KHDRBS2: variants seen among roughly 807,000 people sequenced by gnomAD.
KHDRBS2 encodes the protein KH RNA binding domain containing, signal transduction associated 2.
Under a neutral mutation model 44.3 loss-of-function variants are expected in KHDRBS2, and 26 were observed. The ratio of observed to expected loss-of-function variants is 0.59; its 90% CI spans 0.43 to 0.81. KHDRBS2 has a LOEUF of 0.81. Among genes scored for constraint, KHDRBS2 ranks in the 40% least tolerant of loss-of-function variants. KHDRBS2 has a pLI of 0.00. For synonymous variants in KHDRBS2, 194 were observed against 151.1 expected (o/e 1.28, Z -2.08); for missense variants, 476 against 433.1 (o/e 1.10, Z -0.88).
At chr6:62,049,054 A>C (rs2127309147) in intron 2 of KHDRBS2, among the ~76,000 whole-genome samples, 1 of 151,732 alleles carries the variant, frequency 6.6e-6, no homozygotes, top group East Asian at 2.0e-4. Flanking sequence ...TATAAAACTC[A>C]GTTTTTTTCC....
intron 6 of KHDRBS2, among the ~76,000 whole-genome samples, chr6:61,814,560 C>G (rs761321305): frequency 7.9e-5 from 12 of 152,004 alleles, no homozygotes; most frequent in Non-Finnish European, 1.6e-4. Flanking sequence ...CAGCCGAGAT[C>G]GCACCATGGC....
At chr6:62,198,073 GACAC>G (rs1481094312) in intron 1 of KHDRBS2, among the ~76,000 whole-genome samples, 1 of 152,138 alleles carries the variant, frequency 6.6e-6, no homozygotes, top group African/African-American at 2.4e-5. Context: ...GAATCTCGGG[GACAC>G]ATTTAAAGCA....
chr6:61,892,253 G>T (rs1367536791), intron 6 of KHDRBS2, among the ~76,000 whole-genome samples: 4 of 152,010 alleles, frequency 2.6e-5, no homozygotes, highest in Non-Finnish European at 5.9e-5. Flanking sequence ...AATAAAAGAG[G>T]ATACAAACAA....
the KHDRBS2 span, among the ~76,000 whole-genome samples, chr6:61,557,126 C>T: frequency 6.6e-6 from 1 of 152,104 alleles, no homozygotes; most frequent in Non-Finnish European, 1.5e-5. Flanking sequence ...CCCCAGAGAT[C>T]TGCAGCTGCA....
intron 2 of KHDRBS2, among the ~76,000 whole-genome samples, chr6:62,090,008 C>T (rs188217877): frequency 6.6e-6 from 1 of 152,214 alleles, no homozygotes; most frequent in East Asian, 1.9e-4. Context: ...ATGATTCTCA[C>T]ATGACAGTGG....
intron 2 of KHDRBS2, among the ~76,000 whole-genome samples, chr6:62,141,206 T>C (rs1812732498): frequency 6.6e-6 from 1 of 152,210 alleles, no homozygotes; most frequent in Admixed American, 6.5e-5. Context: ...GTAGAATGCA[T>C]ATTGTAAAGC....
chr6:61,549,033 G>T, the KHDRBS2 span, among the ~76,000 whole-genome samples: 3 of 152,098 alleles, frequency 2.0e-5, no homozygotes, highest in South Asian at 6.2e-4. Flanking sequence ...GTAGCTTCTG[G>T]TCTAACACAT....
At chr6:62,237,634 G>A (rs1330734862) in intron 1 of KHDRBS2, among the ~76,000 whole-genome samples, 1 of 152,168 alleles carries the variant, frequency 6.6e-6, no homozygotes, top group Non-Finnish European at 1.5e-5. Flanking sequence ...TTTATAATAT[G>A]CACAGGGCAA....
chr6:61,681,497 C>T (rs142846607), intron 8 of KHDRBS2, among the ~76,000 whole-genome samples: 10 of 151,866 alleles, frequency 6.6e-5, no homozygotes, highest in South Asian at 2.1e-4. Context: ...CTGGGACCTA[C>T]GGTTTGGTAT....
chr6:61,894,531 C>T, intron 6 of KHDRBS2, 104 bp downstream of exon 6: 1 of 895,610 alleles, frequency 1.1e-6, no homozygotes, highest in Non-Finnish European at 1.7e-6. Context: ...GTTTCTGCAA[C>T]AAACATTACC....
At chr6:62,118,777 ACT>A (rs887926818) in intron 2 of KHDRBS2, among the ~76,000 whole-genome samples, 4 of 152,056 alleles carry the variant, frequency 2.6e-5, no homozygotes, top group African/African-American at 9.7e-5. Flanking sequence ...TAAAGGTCAG[ACT>A]CTAAGTTCTA....
chr6:61,698,215 C>T (rs1253462327), intron 7 of KHDRBS2, among the ~76,000 whole-genome samples: 1 of 152,080 alleles, frequency 6.6e-6, no homozygotes, highest in East Asian at 1.9e-4. Context: ...TCAGATATCT[C>T]CTCTTTCATG....
rs75571779 is a variant in KHDRBS2, at chr6:61,837,246, G to C, written c.810+57389C>G. Among the ~76,000 whole-genome samples the C allele has an allele frequency of 2.1e-3, 319 of 152,056 alleles. 6 individuals carry two copies. In the East Asian group the frequency reaches 0.052, roughly 25 times the overall value. On this transcript the variant is annotated intron_variant, in intron 6 of 8. Transcript: ENST00000281156. ...GCATTACTATTTGAGTGTCACATAAGTATTCAAAGTGTTCATTATTGTTTC... is the reference window on the plus strand; with the variant it reads ...GCATTACTATTTGAGTGTCACATAACTATTCAAAGTGTTCATTATTGTTTC...
At chr6:61,664,629 C>T in the KHDRBS2 span, among the ~76,000 whole-genome samples, 1 of 151,650 alleles carries the variant, frequency 6.6e-6, no homozygotes, top group Non-Finnish European at 1.5e-5. Flanking sequence ...AAATTAGATG[C>T]AAGTTTAAGA....
At chr6:61,547,905 G>A in the KHDRBS2 span, among the ~76,000 whole-genome samples, 29 of 152,066 alleles carry the variant, frequency 1.9e-4, no homozygotes, top group Admixed American at 5.9e-4. Flanking sequence ...GGCCTTTATA[G>A]ACAAGGGCTT....
chr6:61,627,472 T>C, the KHDRBS2 span, among the ~76,000 whole-genome samples: 1 of 152,158 alleles, frequency 6.6e-6, no homozygotes, highest in Admixed American at 6.5e-5. Flanking sequence ...GGGCTGGCCA[T>C]GCCAGAAAGT....
At chr6:62,208,324 G>T (rs912139509) in intron 1 of KHDRBS2, among the ~76,000 whole-genome samples, 1 of 152,078 alleles carries the variant, frequency 6.6e-6, no homozygotes, top group Non-Finnish European at 1.5e-5. Flanking sequence ...TGAACTCCTG[G>T]TCTCAAATGG....
At chr6:61,960,887 AC>A (rs1395269481) in intron 4 of KHDRBS2, among the ~76,000 whole-genome samples, 1 of 152,120 alleles carries the variant, frequency 6.6e-6, no homozygotes, top group East Asian at 1.9e-4. Context: ...GCAATGTTTT[AC>A]CCACTGAGTG....
At chr6:61,647,047 G>A in the KHDRBS2 span, among the ~76,000 whole-genome samples, 4 of 152,038 alleles carry the variant, frequency 2.6e-5, no homozygotes, top group South Asian at 6.2e-4. Flanking sequence ...TTGAACTCCT[G>A]ACCTCAGGTG....
Sources: allele counts gnomAD v4.1 joint callset (sites outside exome capture counted in the v4.1 genomes callset), GRCh38; gene constraint gnomAD v4.1.1; transcripts MANE v1.5; gene names NCBI Gene and HGNC (gene_info 2026-07-23, HGNC 2026-07-21).